Variants in FAM120A observed in about 807,000 individuals in gnomAD.
The protein encoded by FAM120A is family with sequence similarity 120 member A.
Under a neutral mutation model 109.7 loss-of-function variants are expected in FAM120A, and 15 were observed. The ratio of observed to expected loss-of-function variants is 0.14; its 90% confidence interval spans 0.09 to 0.21. The LOEUF (loss-of-function observed/expected upper bound fraction) is 0.21. Among genes scored for constraint, FAM120A ranks in the 10% least tolerant of loss-of-function variants. The probability of loss-of-function intolerance (pLI) is 1.00; values close to 1 mark genes in which losing one functional copy is unlikely to be tolerated. For missense variants in FAM120A, 899 were observed against 1,439.3 expected, an observed-to-expected ratio of 0.62 and a Z score of 6.07; for synonymous variants, 493 against 572.8, an observed-to-expected ratio of 0.86 and a Z score of 1.99.
At chr9:93,523,291 T>C in intron 7 of FAM120A, 1 of 1,288,798 alleles carries the variant, frequency 7.8e-7, no homozygotes, top group Middle Eastern at 2.1e-4. Context: ...CCTTTCCAAC[T>C]CTACTTGCAA....
chr9:93,505,154 A>G (rs7850322), intron 5 of FAM120A, among the ~76,000 whole-genome samples: 36,315 of 140,868 alleles, frequency 0.26, 5,718 homozygotes, highest in African/African-American at 0.47. Context: ...TCCGCCTCCC[A>G]GGTTCACACC....
At chr9:93,496,526 C>T (rs570143866) in intron 3 of FAM120A, among the ~76,000 whole-genome samples, 1 of 152,344 alleles carries the variant, frequency 6.6e-6, no homozygotes, top group South Asian at 2.1e-4. Flanking sequence ...CCTCTGCAGG[C>T]TCTCGGGAGG....
At chr9:93,492,180 G>GTATA (rs370267515) in intron 3 of FAM120A, among the ~76,000 whole-genome samples, 55 of 150,110 alleles carry the variant, frequency 3.7e-4, no homozygotes, top group African/African-American at 1.3e-3. Flanking sequence ...GTGTGTGTGT[G>GTATA]TATATATATA....
intron 11 of FAM120A, among the ~76,000 whole-genome samples, chr9:93,544,696 A>C (rs890008535): frequency 6.6e-6 from 1 of 152,064 alleles, no homozygotes; most frequent in Non-Finnish European, 1.5e-5. Flanking sequence ...GGTCCATTCC[A>C]CCCTTCAGAG....
chr9:93,527,768 G>A (rs1387565567), intron 8 of FAM120A, among the ~76,000 whole-genome samples: 3 of 151,326 alleles, frequency 2.0e-5, no homozygotes, highest in Non-Finnish European at 2.9e-5. Context: ...GATTATAGGC[G>A]TGCACTACCA....
At chr9:93,553,923 T>A (rs1169773371) in intron 12 of FAM120A, among the ~76,000 whole-genome samples, 1 of 152,080 alleles carries the variant, frequency 6.6e-6, no homozygotes, top group South Asian at 2.1e-4. Context: ...CACCACATAA[T>A]GTAAGTTTAA....
chr9:93,521,927 A>G (rs1860863616), intron 7 of FAM120A, among the ~76,000 whole-genome samples: 1 of 152,188 alleles, frequency 6.6e-6, no homozygotes, highest in Non-Finnish European at 1.5e-5. Flanking sequence ...AAAAAATACA[A>G]AAATTAGCTG....
At chr9:93,470,950 G>A (rs1057279174) in intron 1 of FAM120A, among the ~76,000 whole-genome samples, 191 bp from the exon 2 acceptor site, 4 of 152,144 alleles carry the variant, frequency 2.6e-5, no homozygotes. Flanking sequence ...ATTTAAATGC[G>A]ATTTCCCACA....
chr9:93,495,124 C>G (rs1311601608), intron 3 of FAM120A, among the ~76,000 whole-genome samples: 2 of 152,156 alleles, frequency 1.3e-5, no homozygotes, highest in African/African-American at 4.8e-5. Flanking sequence ...GGCAGCAGGC[C>G]CTCCGTGGCT....
intron 14 of FAM120A, among the ~76,000 whole-genome samples, 178 bp from the exon 15 acceptor site, chr9:93,558,403 G>T (rs1862365222): frequency 6.8e-6 from 1 of 146,942 alleles, no homozygotes; most frequent in African/African-American, 2.4e-5. Context: ...AGGGAGGGTG[G>T]CCTTACAATA....
intron 3 of FAM120A, among the ~76,000 whole-genome samples, chr9:93,489,974 C>T (rs1859240308): frequency 6.6e-6 from 1 of 152,164 alleles, no homozygotes; most frequent in Non-Finnish European, 1.5e-5. Flanking sequence ...AGCATTTCTC[C>T]CTCCTCAGCC....
Position 93,564,819 on chromosome 9 carries a change from G to A in FAM120A, c.*279G>A. ...ATGAAGTACACATAAAGTTTAAACTGGTTATGACAAAAGCCTTTAGTTGTG... is the reference window on the plus strand; with the variant it reads ...ATGAAGTACACATAAAGTTTAAACTAGTTATGACAAAAGCCTTTAGTTGTG... On this transcript the variant is annotated 3_prime_UTR_variant, in exon 18 of 18. Coordinates refer to ENST00000277165, the MANE Select transcript of FAM120A (RefSeq NM_014612.5). 3.1e-6 allele frequency: 1 copy of A among 326,312 alleles called. No individual in the cohort carries two copies. The allele number at this position is 326,312 out of a possible 1,614,324, so 20.2% of individuals were successfully genotyped here. A position where few individuals can be genotyped will look rare whatever the true frequency, so the allele number is the denominator to read the frequency against.
chr9:93,541,527 A>G (rs1027241346), intron 10 of FAM120A, among the ~76,000 whole-genome samples: 2 of 152,256 alleles, frequency 1.3e-5, no homozygotes, highest in African/African-American at 2.4e-5. Context: ...GTATTGAATA[A>G]AAACAAATAA....
At position 93,545,780 on chromosome 9, in the gene FAM120A, C is replaced by CTTTTTTTTTTTTT. The variant is rs774150537; in HGVS notation, c.2159+2323_2159+2335dup. On this transcript the variant is annotated intron_variant, in intron 11 of 17. Transcript: ENST00000277165. ...GAAGACTGGCTGATGGGAAAGACTC[C>CTTTTTTTTTTTTT]TTTTTTTTTTTTTTTTTTTTTTTTT... 1.8e-3 allele frequency among the ~76,000 whole-genome samples: 115 copies of CTTTTTTTTTTTTT among 65,506 alleles called. 15 individuals carry two copies. Among genetic ancestry groups the CTTTTTTTTTTTTT allele is most frequent in the East Asian group, 4.1e-3 (8 of 1,936 alleles). 43.0% of individuals were successfully genotyped at this position (65,506 alleles called of 152,430 possible).
chr9:93,557,127 G>GTTTT (rs60903831), intron 13 of FAM120A, among the ~76,000 whole-genome samples: 28 of 120,176 alleles, frequency 2.3e-4, no homozygotes, highest in African/African-American at 2.9e-4. Flanking sequence ...GTTTGTTTTG[G>GTTTT]TTTTTTTTTT....
intron 3 of FAM120A, among the ~76,000 whole-genome samples, chr9:93,491,913 C>T (rs745651395): frequency 2.6e-5 from 4 of 152,082 alleles, no homozygotes; most frequent in Non-Finnish European, 5.9e-5. Context: ...TACACTGTCT[C>T]TAAGCAGCAG....
intron 3 of FAM120A, among the ~76,000 whole-genome samples, chr9:93,494,338 G>A (rs111481105): frequency 4.6e-5 from 7 of 152,244 alleles, no homozygotes; most frequent in African/African-American, 1.2e-4. Context: ...CACATTCTTC[G>A]GAGGAACTTG....
chr9:93,558,498 G>A, intron 14 of FAM120A, 83 bp from the exon 15 acceptor site: 1 of 1,534,984 alleles, frequency 6.5e-7, no homozygotes, highest in Non-Finnish European at 8.8e-7. Flanking sequence ...AGGAGGCAGG[G>A]GCCACTCTGC....
At chr9:93,453,225 A>T in intron 1 of FAM120A, 1 of 997,808 alleles carries the variant, frequency 1.0e-6, no homozygotes, top group Non-Finnish European at 1.2e-6. Context: ...GTATTCAGTG[A>T]CCTTCAGCGG....
Sources: allele counts gnomAD v4.1 joint callset (sites outside exome capture counted in the v4.1 genomes callset), GRCh38; gene constraint gnomAD v4.1.1; transcripts MANE v1.5; gene names NCBI Gene and HGNC (gene_info 2026-07-23, HGNC 2026-07-21).